TMEM117: variants seen among roughly 807,000 people sequenced by gnomAD.
TMEM117 encodes transmembrane protein 117.
In TMEM117, 27 loss-of-function variants were observed where a neutral mutation model predicts 52.4. That is an observed-to-expected ratio of 0.51 (90% CI 0.38 to 0.71). The LOEUF (loss-of-function observed/expected upper bound fraction) is 0.71. Among genes scored for constraint, TMEM117 ranks in the 30% least tolerant of loss-of-function variants. The pLI is 0.00. For synonymous variants in TMEM117, 215 were observed against 206.3 expected (o/e 1.04, Z -0.36); for missense variants, 556 against 630.5 (o/e 0.88, Z 1.26).
intron 7 of TMEM117, among the ~76,000 whole-genome samples, chr12:44,386,970 A>C (rs957056983): frequency 6.6e-5 from 10 of 152,046 alleles, no homozygotes; most frequent in African/African-American, 2.4e-4. Flanking sequence ...AAATAATGTT[A>C]CTTCAAATAC....
At chr12:44,004,410 G>A (rs1031262463) in intron 3 of TMEM117, among the ~76,000 whole-genome samples, 7 of 152,078 alleles carry the variant, frequency 4.6e-5, no homozygotes, top group Admixed American at 2.0e-4. Context: ...TTGGAATGAT[G>A]GTATGCTAGC....
chr12:44,397,125 T>A, the TMEM117 span, among the ~76,000 whole-genome samples: 3 of 151,768 alleles, frequency 2.0e-5, no homozygotes, highest in South Asian at 6.3e-4. Flanking sequence ...CGGTAGGGAG[T>A]GAGAGCAAAC....
chr12:43,812,293 A>C, the TMEM117 span, among the ~76,000 whole-genome samples: 1 of 152,232 alleles, frequency 6.6e-6, no homozygotes, highest in Admixed American at 6.5e-5. Flanking sequence ...ACCCTCGGGA[A>C]CAATTTCTCT....
intron 2 of TMEM117, among the ~76,000 whole-genome samples, chr12:43,863,426 T>G: frequency 6.6e-6 from 1 of 152,176 alleles, no homozygotes. Flanking sequence ...ATGGATATGA[T>G]CTGAATTAGA....
At chr12:44,335,244 G>T (rs528968820) in intron 6 of TMEM117, among the ~76,000 whole-genome samples, 2 of 152,098 alleles carry the variant, frequency 1.3e-5, no homozygotes, top group East Asian at 3.9e-4. Flanking sequence ...GAAAGGTGGG[G>T]TCAGAAATAT....
At chr12:44,314,310 G>T (rs771120017) in intron 6 of TMEM117, among the ~76,000 whole-genome samples, 3 of 152,002 alleles carry the variant, frequency 2.0e-5, no homozygotes, top group African/African-American at 2.4e-5. Flanking sequence ...ATGAAGGGAG[G>T]TTGGATTTTA....
intron 5 of TMEM117, chr12:44,264,128 A>G (rs1950350757): frequency 6.6e-6 from 1 of 152,212 alleles, no homozygotes; most frequent in Non-Finnish European, 1.5e-5. Context: ...TGGTAAAACT[A>G]TAAGTTGATG....
chr12:43,995,755 G>A (rs1384165443), intron 3 of TMEM117, among the ~76,000 whole-genome samples: 1 of 152,226 alleles, frequency 6.6e-6, no homozygotes, highest in East Asian at 1.9e-4. Context: ...AGATATCACA[G>A]GCTACAAGAA....
At chr12:44,211,977 G>A (rs1949651707) in intron 5 of TMEM117, among the ~76,000 whole-genome samples, 1 of 152,168 alleles carries the variant, frequency 6.6e-6, no homozygotes, top group African/African-American at 2.4e-5. Context: ...GCACTTTCAC[G>A]TGGCTGTGGG....
intron 4 of TMEM117, among the ~76,000 whole-genome samples, chr12:44,152,287 T>C (rs1166364954): frequency 9.0e-6 from 1 of 111,274 alleles, no homozygotes; most frequent in Non-Finnish European, 1.6e-5. Context: ...TTATATATAA[T>C]TATATTTATA....
rs11182383 is a variant in TMEM117, at chr12:44,018,704, T to A, written c.410+74362T>A. On this transcript the variant is annotated intron_variant, in intron 3 of 7. Transcript: ENST00000266534. ...GATAATTAACTCTACTGTTTTTATT[T>A]TTCTTTTTTTCTTTTTCTTTCTTTT... Among the ~76,000 whole-genome samples the A allele has an allele frequency of 1.4e-3, 215 of 151,888 alleles. 3 individuals carry two copies. The East Asian group carries it at 0.025, about 17-fold the overall frequency.
intron 6 of TMEM117, among the ~76,000 whole-genome samples, chr12:44,375,552 G>A (rs916149135): frequency 6.6e-6 from 1 of 152,012 alleles, no homozygotes; most frequent in African/African-American, 2.4e-5. Context: ...AAAAGTTTAG[G>A]CACTATATTA....
intron 3 of TMEM117, among the ~76,000 whole-genome samples, chr12:44,142,611 C>A (rs940113357): frequency 6.6e-6 from 1 of 151,932 alleles, no homozygotes; most frequent in Non-Finnish European, 1.5e-5. Context: ...TTTACCAATA[C>A]TCTAAATTGT....
chr12:44,017,482 A>G (rs927772558), intron 3 of TMEM117, among the ~76,000 whole-genome samples: 14 of 151,952 alleles, frequency 9.2e-5, no homozygotes, highest in African/African-American at 2.9e-4. Context: ...CTCTTACCCC[A>G]AAGACTAGGG....
At chr12:44,345,326 C>T (rs1951471167) in intron 6 of TMEM117, among the ~76,000 whole-genome samples, 1 of 152,058 alleles carries the variant, frequency 6.6e-6, no homozygotes, top group South Asian at 2.1e-4. Context: ...AGGGCATATT[C>T]CCCTCAGTTC....
rs753764703 is a variant in TMEM117 at position 44,299,544 on chromosome 12, C to G, written c.609-36C>G. ...CACTCTCTAGTATCTATATTTTATG[C>G]CTTATGTTCTTTAATGAGTGTCTTG... On this transcript the variant is annotated intron_variant, in intron 5 of 7. Transcript: ENST00000266534. 6 of 1,609,374 alleles carry G rather than the reference C, an allele frequency of 3.7e-6. No homozygotes were observed. The Admixed American group carries it at 6.7e-5, about 18-fold the overall frequency.
chr12:44,234,795 G>A (rs999103508), intron 5 of TMEM117, among the ~76,000 whole-genome samples: 1 of 151,278 alleles, frequency 6.6e-6, no homozygotes, highest in Non-Finnish European at 1.5e-5. Context: ...TAATTAAATT[G>A]TGTTAGATTA....
intron 3 of TMEM117, among the ~76,000 whole-genome samples, chr12:44,129,436 C>A (rs1416229314): frequency 2.0e-5 from 3 of 151,976 alleles, no homozygotes; most frequent in Non-Finnish European, 4.4e-5. Flanking sequence ...CAGTGTCTTG[C>A]AGAGCTTTAC....
At chr12:43,834,334 T>C (rs1465702087), upstream of TMEM117, among the ~76,000 whole-genome samples, 1 of 152,240 alleles carries the variant, frequency 6.6e-6, no homozygotes, top group Non-Finnish European at 1.5e-5. Context: ...ATGACTAATA[T>C]GTGGAATTAA....
Sources: allele counts gnomAD v4.1 joint callset (sites outside exome capture counted in the v4.1 genomes callset), GRCh38; gene constraint gnomAD v4.1.1; transcripts MANE v1.5; gene names NCBI Gene and HGNC (gene_info 2026-07-23, HGNC 2026-07-21).